ADGRV1: variants seen among roughly 807,000 people sequenced by gnomAD.
ADGRV1 encodes adhesion G protein-coupled receptor V1.
In ADGRV1, 359 loss-of-function variants were observed where a neutral mutation model predicts 596.2. The ratio of observed to expected loss-of-function variants is 0.60; its 90% CI spans 0.55 to 0.66. The LOEUF (loss-of-function observed/expected upper bound fraction) is 0.66, where lower values mean the gene tolerates loss of function less well. ADGRV1 is among the 30% of genes least tolerant of loss of function. ADGRV1 has a pLI of 0.00. For missense variants in ADGRV1, 7,274 were observed against 7,575.6 expected (o/e 0.96, Z 1.48); for synonymous variants, 2,681 against 2,679.2 (o/e 1.00, Z -0.02).
chr5:90,920,235 T>C (rs1291000776), intron 83 of ADGRV1, among the ~76,000 whole-genome samples: 1 of 152,094 alleles, frequency 6.6e-6, no homozygotes, highest in African/African-American at 2.4e-5. Flanking sequence ...CTTATGTGGC[T>C]GAAAGGGCCA....
intron 82 of ADGRV1, among the ~76,000 whole-genome samples, chr5:90,857,532 G>C (rs1767139098): frequency 6.6e-6 from 1 of 152,072 alleles, no homozygotes; most frequent in South Asian, 2.1e-4. Flanking sequence ...TCTAGAAAAG[G>C]CTACATGGAT....
At chr5:90,735,493 A>T (rs1181902834) in intron 50 of ADGRV1, among the ~76,000 whole-genome samples, 1 of 152,026 alleles carries the variant, frequency 6.6e-6, no homozygotes, top group Admixed American at 6.6e-5. Context: ...GTCTATTCAG[A>T]GTGTTTTGTG....
At chr5:90,679,661 A>G (rs773310570) in intron 26 of ADGRV1, 32 bp downstream of exon 26, 3 of 1,469,562 alleles carry the variant, frequency 2.0e-6, no homozygotes, top group Non-Finnish European at 2.8e-6. Context: ...CTTTACTATT[A>G]TAGGTTTTTA....
rs1477517594 is a variant in ADGRV1, at chr5:90,619,126, T to C, written c.398T>C (p.Val133Ala). 2 of 1,513,364 alleles carry C rather than the reference T, an allele frequency of 1.3e-6. No homozygotes were observed. The highest frequency in any genetic ancestry group is 2.5e-5 in the East Asian group (1 of 40,656). The allele number at this position is 1,513,364 out of a possible 1,614,324, so 93.7% of individuals were successfully genotyped here. Residue 133 changes from valine (V) to alanine (A), a missense_variant, in exon 4 of 90, where the codon GTT becomes GCT. Physicochemically the swap from Val to Ala is moderately conservative, Grantham distance 64 (BLOSUM62 0). Coordinates refer to ENST00000405460, the MANE Select transcript of ADGRV1 (RefSeq NM_032119.4). ...ANVKLGWPRT[V>A]TVTILSNDNA... The stretch of plus-strand genomic sequence containing the variant: ...GTGAAGCTTGGATGGCCAAGGACTG[T>C]TACTGTGACAATATTATCAAATGAC...
At chr5:90,923,542 G>C (rs953590398) in intron 83 of ADGRV1, among the ~76,000 whole-genome samples, 2 of 152,050 alleles carry the variant, frequency 1.3e-5, no homozygotes, top group African/African-American at 4.8e-5. Context: ...TCAGACTCTT[G>C]TAGAAGAAAA....
rs763683206 is a variant in ADGRV1, at chr5:90,558,894, G to A, written c.-2G>A. ...CCGGCGGGGACCGCCGGGAGCGCGC[G>A]GATGTCGGTGTTCCTGGGGCCAGGT... On this transcript the variant is annotated 5_prime_UTR_variant, in exon 1 of 90. Coordinates refer to ENST00000405460, the MANE Select transcript of ADGRV1 (RefSeq NM_032119.4). 1.9e-5 allele frequency: 29 copies of A among 1,559,668 alleles called. No homozygotes were observed. The highest frequency in any genetic ancestry group is 9.5e-5 in the African/African-American group (7 of 73,820).
At chr5:90,684,531 G>T (rs763308055) in intron 28 of ADGRV1, among the ~76,000 whole-genome samples, 1 of 152,096 alleles carries the variant, frequency 6.6e-6, no homozygotes, top group Non-Finnish European at 1.5e-5. Context: ...CCATAAACTG[G>T]GTGGCTTAGA....
intron 59 of ADGRV1, among the ~76,000 whole-genome samples, chr5:90,765,469 A>AAC (rs995408982): frequency 4.1e-5 from 6 of 147,372 alleles, no homozygotes; most frequent in African/African-American, 1.6e-4. Flanking sequence ...ACACACACAC[A>AAC]CAAACTCTAG....
chr5:90,783,370 T>G (rs1285064108), intron 66 of ADGRV1, 45 bp downstream of exon 66: 1 of 1,288,804 alleles, frequency 7.8e-7, no homozygotes. Context: ...GACATAAGTA[T>G]TGTGTTCAAA....
chr5:90,683,943 A>G lies in ADGRV1; in HGVS notation c.6022A>G (p.Met2008Val). 2.5e-6 allele frequency: 4 copies of G among 1,613,914 alleles called. No individual in the cohort carries two copies. Among genetic ancestry groups the G allele is most frequent in the Non-Finnish European group, 1.7e-6 (2 of 1,179,848 alleles). ...ATCAATAATAAGGTTGAAAGGCCTC[A>G]TGGGAAAAGTCCTTGTCTCATATGC... ...TLSIIRLKGL[M>V]GKVLVSYATL... Residue 2008 changes from methionine to valine, a missense_variant, in exon 28 of 90, where the codon ATG becomes GTG. By Grantham distance (21) the Met-to-Val change is conservative (BLOSUM62 1). Around this residue, in one of 5 missense-constraint regions of ADGRV1, gnomAD observed 3,643 missense variants for 3,809.2 expected, o/e 0.96. Coordinates refer to ENST00000405460, the MANE Select transcript of ADGRV1 (RefSeq NM_032119.4).
intron 89 of ADGRV1, among the ~76,000 whole-genome samples, chr5:91,163,433 GA>G (rs1797117844): frequency 6.6e-6 from 1 of 152,132 alleles, no homozygotes; most frequent in Non-Finnish European, 1.5e-5. Context: ...CCCCACTGGT[GA>G]AAAAGTCTAA....
At chr5:90,794,175 G>A (rs1760397871) in intron 70 of ADGRV1, among the ~76,000 whole-genome samples, 1 of 152,176 alleles carries the variant, frequency 6.6e-6, no homozygotes, top group Non-Finnish European at 1.5e-5. Flanking sequence ...CAAGGGCCAT[G>A]ATGTATCTAA....
chr5:90,994,687 C>A (rs1781269405), intron 85 of ADGRV1, among the ~76,000 whole-genome samples: 1 of 151,912 alleles, frequency 6.6e-6, no homozygotes, highest in South Asian at 2.1e-4. Context: ...ATAAATTTTT[C>A]TCTCAGGATT....
At chr5:90,570,202 A>G (rs989000342) in intron 1 of ADGRV1, among the ~76,000 whole-genome samples, 5 of 152,122 alleles carry the variant, frequency 3.3e-5, no homozygotes, top group African/African-American at 9.7e-5. Flanking sequence ...TGGAATGACA[A>G]TTTTGTTGCA....
intron 83 of ADGRV1, among the ~76,000 whole-genome samples, chr5:90,945,812 A>T (rs886321886): frequency 1.3e-5 from 2 of 152,140 alleles, no homozygotes; most frequent in African/African-American, 4.8e-5. Context: ...CCCTGTCTCT[A>T]CAAAAAATAC....
intron 36 of ADGRV1, among the ~76,000 whole-genome samples, chr5:90,705,134 A>T (rs1476103719): frequency 6.6e-6 from 1 of 152,166 alleles, no homozygotes; most frequent in East Asian, 1.9e-4. Flanking sequence ...TAAGCAAATT[A>T]TCTGGGTACT....
intron 85 of ADGRV1, among the ~76,000 whole-genome samples, chr5:91,029,044 A>C (rs1034206352): frequency 6.6e-6 from 1 of 152,152 alleles, no homozygotes; most frequent in Admixed American, 6.5e-5. Flanking sequence ...CCAAAACATT[A>C]GAACTTTTTT....
In ADGRV1 at chr5:91,056,146, C is replaced by T. The variant is rs375518260; in HGVS notation, c.18153-16301C>T. Among the ~76,000 whole-genome samples, 5 of 152,276 alleles carry T rather than the reference C, an allele frequency of 3.3e-5. No homozygotes were observed. In the East Asian group the frequency reaches 5.8e-4, roughly 18 times the overall value. ...AACTTTTGAAGCGTTGGTTGTGCGA[C>T]GTGTGGTTGGGCATTGTTGTAGAGA... On this transcript the variant is annotated intron_variant, in intron 85 of 89. Coordinates refer to ENST00000405460, the MANE Select transcript of ADGRV1 (RefSeq NM_032119.4).
At chr5:90,680,179 G>T (rs56255871) in intron 26 of ADGRV1, among the ~76,000 whole-genome samples, 49,628 of 151,762 alleles carry the variant, frequency 0.33, 8,481 homozygotes, top group Admixed American at 0.48. Flanking sequence ...GTAAAACCCC[G>T]TTTCTACTAA....
Sources: allele counts gnomAD v4.1 joint callset (sites outside exome capture counted in the v4.1 genomes callset), GRCh38; gene constraint gnomAD v4.1.1; regional missense constraint gnomAD v4.1.1; transcripts MANE v1.5; gene names NCBI Gene and HGNC (gene_info 2026-07-23, HGNC 2026-07-21).